Variants in VPS13D observed in about 807,000 individuals in gnomAD.
VPS13D encodes intermembrane lipid transfer protein VPS13D.
VPS13D carries 187 observed loss-of-function variants against 461.9 expected under a neutral mutation model. The observed-to-expected ratio is 0.40, with a 90% CI of 0.36 to 0.46. The LOEUF (loss-of-function observed/expected upper bound fraction) is 0.46. VPS13D is among the 20% of genes least tolerant of loss of function. The probability of loss-of-function intolerance (pLI) is 0.60; values close to 1 mark genes in which losing one functional copy is unlikely to be tolerated. For synonymous variants in VPS13D, 1,951 were observed against 1,986.3 expected (o/e 0.98, Z 0.47); for missense variants, 4,711 against 5,364.9 (o/e 0.88, Z 3.81).
chr1:12,293,653 T>G lies in VPS13D; in HGVS notation c.5982T>G (p.Thr1994=). Residue 1994 remains threonine, a synonymous_variant, in exon 24 of 70, where the codon ACT becomes ACG. Coordinates refer to ENST00000620676, the MANE Select transcript of VPS13D (RefSeq NM_015378.4). Reference sequence around the variant, plus strand: ...TGGTGGCCTTCATTCAGCATTTCACTCAGCTGCAGGATGTCTTAGGGCGCC... The same window carrying G: ...TGGTGGCCTTCATTCAGCATTTCACGCAGCTGCAGGATGTCTTAGGGCGCC... The part of the protein sequence containing the change: ...AEVVAFIQHF[T]QLQDVLGRQR... 2.5e-6 allele frequency: 4 copies of G among 1,614,122 alleles called. No individual in the cohort carries two copies. The highest frequency in any genetic ancestry group is 3.4e-6 in the Non-Finnish European group (4 of 1,179,992).
intron 68 of VPS13D, among the ~76,000 whole-genome samples, chr1:12,498,529 G>A (rs1317825197): frequency 1.3e-5 from 2 of 152,162 alleles, no homozygotes; most frequent in Admixed American, 6.5e-5. Flanking sequence ...GTTGCTTGCC[G>A]GATAGAATGG....
intron 61 of VPS13D, 47 bp downstream of exon 61, chr1:12,400,377 T>A (rs760451972): frequency 3.1e-6 from 5 of 1,601,756 alleles, no homozygotes; most frequent in Non-Finnish European, 4.3e-6. Context: ...GCTGGAACGT[T>A]GATTTGTTCT....
chr1:12,282,533 A>C (rs1641815875), intron 20 of VPS13D, among the ~76,000 whole-genome samples, 172 bp from the exon 21 acceptor site: 2 of 152,200 alleles, frequency 1.3e-5, no homozygotes, highest in Admixed American at 1.3e-4. Flanking sequence ...CCTTGTGAAC[A>C]GAAGTGGGTC....
intron 67 of VPS13D, among the ~76,000 whole-genome samples, chr1:12,490,424 T>G (rs1224718780): frequency 1.3e-5 from 2 of 152,218 alleles, no homozygotes; most frequent in African/African-American, 2.4e-5. Flanking sequence ...GAGGCAAACT[T>G]TAGAAATTTT....
intron 67 of VPS13D, among the ~76,000 whole-genome samples, chr1:12,484,257 A>G (rs1645765573): frequency 6.6e-6 from 1 of 152,146 alleles, no homozygotes. Context: ...TGTAGCATAT[A>G]GTGCCGGACC....
At chr1:12,286,606 G>A (rs746809197) in intron 21 of VPS13D, among the ~76,000 whole-genome samples, 5 of 152,142 alleles carry the variant, frequency 3.3e-5, no homozygotes, top group Non-Finnish European at 5.9e-5. Context: ...TTTAACAAGT[G>A]GATGTTAGCT....
In VPS13D at chr1:12,299,721, C is replaced by T. The variant is rs1395506181; in HGVS notation, c.6216+337C>T. ...AAACAAACCAATGGAATCAACCTTCCATCTTTTTATAATGCTTTCTTTATA... is the reference window on the plus strand; with the variant it reads ...AAACAAACCAATGGAATCAACCTTCTATCTTTTTATAATGCTTTCTTTATA... On this transcript the variant is annotated intron_variant, in intron 25 of 69. Transcript: ENST00000620676. The surrounding 1 kb of genome is among the most constrained non-coding windows in gnomAD (Gnocchi z 4.2). Among the ~76,000 whole-genome samples the T allele has an allele frequency of 6.6e-6, 1 of 152,054 alleles. No homozygotes were observed. The highest frequency in any genetic ancestry group is 1.5e-5 in the Non-Finnish European group (1 of 68,020).
intron 65 of VPS13D, among the ~76,000 whole-genome samples, chr1:12,446,553 T>C (rs1387839200): frequency 2.0e-5 from 3 of 152,208 alleles, no homozygotes; most frequent in African/African-American, 7.2e-5. Context: ...TAGTCCTCTT[T>C]CTCTCCATAG....
chr1:12,360,519 CTG>C (rs1643932358), intron 50 of VPS13D, among the ~76,000 whole-genome samples: 1 of 152,122 alleles, frequency 6.6e-6, no homozygotes, highest in African/African-American at 2.4e-5. Flanking sequence ...GATTGAGTGT[CTG>C]TATTGTTCAG....
chr1:12,304,823 T>A, intron 26 of VPS13D, 95 bp downstream of exon 26: 1 of 1,233,742 alleles, frequency 8.1e-7, no homozygotes, highest in South Asian at 1.3e-5. Context: ...TTCAAGCAAA[T>A]GTTAACGAAG....
chr1:12,490,773 G>A lies in VPS13D; in HGVS notation c.12663-6727G>A, dbSNP rs569065993. Among the ~76,000 whole-genome samples, 455 of 150,454 alleles carry A rather than the reference G, an allele frequency of 3.0e-3. 4 individuals are homozygous for A. The highest frequency in any genetic ancestry group is 0.01 in the African/African-American group (425 of 40,862). ...ACGGCATGGTGGGAGCTACAGGTCC[G>A]AGATAGATGCAGCCCACGGCATGGT... On this transcript the variant is annotated intron_variant, in intron 67 of 69. Coordinates refer to ENST00000620676, the MANE Select transcript of VPS13D (RefSeq NM_015378.4).
chr1:12,319,387 A>C (rs1642972358), intron 31 of VPS13D, 110 bp from the exon 32 acceptor site: 22 of 1,459,080 alleles, frequency 1.5e-5, no homozygotes, highest in Non-Finnish European at 2.0e-5. Context: ...GAAAAATCTT[A>C]CTGGTTCATG....
Position 12,318,285 on chromosome 1 carries a change from T to C in VPS13D, c.7362T>C (p.Ser2454=). The change falls in exon 31 of 70, where the codon TCT becomes TCC. Residue 2454 remains serine, a synonymous_variant. Coordinates refer to ENST00000620676, the MANE Select transcript of VPS13D (RefSeq NM_015378.4). ...TVKSGVVTKR[S]SLPVSNERHL... The stretch of plus-strand genomic sequence containing the variant: ...AGAGTGGAGTAGTTACCAAGCGGTC[T>C]TCCCTTCCTGTGTCCAATGAAAGGC... 1 of 1,613,872 alleles carries C rather than the reference T, an allele frequency of 6.2e-7. No homozygotes were observed. Among genetic ancestry groups the C allele is most frequent in the South Asian group, 1.1e-5 (1 of 91,078 alleles).
chr1:12,452,437 A>G (rs1414100296), intron 65 of VPS13D, among the ~76,000 whole-genome samples: 2 of 152,226 alleles, frequency 1.3e-5, no homozygotes, highest in African/African-American at 2.4e-5. Flanking sequence ...TCCAAGCTTC[A>G]GAGAAGAGCA....
chr1:12,404,729 T>C (rs1232521116), intron 63 of VPS13D, among the ~76,000 whole-genome samples: 1 of 152,158 alleles, frequency 6.6e-6, no homozygotes, highest in Non-Finnish European at 1.5e-5. Context: ...TCCTCAGTGA[T>C]GTACTTGCTT....
chr1:12,326,411 C>T (rs1643189928), intron 35 of VPS13D, among the ~76,000 whole-genome samples: 1 of 146,824 alleles, frequency 6.8e-6, no homozygotes, highest in Admixed American at 6.9e-5. Flanking sequence ...GATCATGGCT[C>T]ACTCTAGCCT....
intron 2 of VPS13D, among the ~76,000 whole-genome samples, chr1:12,237,139 G>A (rs1640177502): frequency 6.7e-6 from 1 of 149,602 alleles, no homozygotes; most frequent in African/African-American, 2.5e-5. Context: ...GTATATATAT[G>A]TGTGTGTGTA....
chr1:12,332,077 A>G (rs1457368356), intron 37 of VPS13D, among the ~76,000 whole-genome samples: 1 of 152,270 alleles, frequency 6.6e-6, no homozygotes, highest in African/African-American at 2.4e-5. Context: ...TTATTGGAAC[A>G]TATAAGCCAT....
chr1:12,385,216 A>G, intron 58 of VPS13D, 44 bp from the exon 59 acceptor site: 10 of 1,509,908 alleles, frequency 6.6e-6, no homozygotes, highest in Non-Finnish European at 9.2e-6. Flanking sequence ...GGTTTCAATA[A>G]GGAAGAGTGA....
Sources: allele counts gnomAD v4.1 joint callset (sites outside exome capture counted in the v4.1 genomes callset), GRCh38; gene constraint gnomAD v4.1.1; non-coding constraint Gnocchi (gnomAD v3.1); transcripts MANE v1.5; gene names NCBI Gene and HGNC (gene_info 2026-07-23, HGNC 2026-07-21).